The following MIGA1 variants were observed in gnomAD, a reference collection of about 807,000 sequenced individuals.
MIGA1 encodes mitoguardin 1, also known as family with sequence similarity 73, member A.
MIGA1 carries 58 observed loss-of-function variants against 82.0 expected under a neutral mutation model. The observed-to-expected ratio is 0.71, with a 90% confidence interval of 0.57 to 0.88. MIGA1 has a LOEUF of 0.88. Among genes scored for constraint, MIGA1 ranks in the 40% least tolerant of loss-of-function variants. The pLI, the probability that MIGA1 is intolerant of heterozygous loss-of-function variation, is 0.00. For synonymous variants in MIGA1, 249 were observed against 253.6 expected, an observed-to-expected ratio of 0.98 and a Z score of 0.17; for missense variants, 751 against 749.1, an observed-to-expected ratio of 1.00 and a Z score of -0.03.
At chr1:77,870,302 A>G (rs11162392) in intron 14 of MIGA1, among the ~76,000 whole-genome samples, 1,156 of 90,648 alleles carry the variant, frequency 0.013, no homozygotes, top group African/African-American at 0.049. Flanking sequence ...TGGCTGCCGG[A>G]CGGAGGGGCT....
intron 7 of MIGA1, among the ~76,000 whole-genome samples, chr1:77,830,293 T>C (rs1347562386): frequency 1.3e-5 from 2 of 152,200 alleles, no homozygotes; most frequent in African/African-American, 4.8e-5. Flanking sequence ...ATAATCTTCT[T>C]CATAAATGTC....
At chr1:77,859,959 G>C (rs540956195) in intron 10 of MIGA1, 81 bp from the exon 11 acceptor site, 2 of 863,962 alleles carry the variant, frequency 2.3e-6, no homozygotes, top group East Asian at 5.1e-5. Flanking sequence ...ACTGTTTTAG[G>C]ATTATTTGTG....
rs539749569 is a variant in MIGA1, at chr1:77,799,650, C to T, written c.196-1681C>T. Among the ~76,000 whole-genome samples the T allele has an allele frequency of 4.0e-5, 6 of 151,892 alleles. No homozygotes were observed. The East Asian group carries it at 1.2e-3, about 29-fold the overall frequency. On this transcript the variant is annotated intron_variant, in intron 2 of 15. Coordinates refer to ENST00000370791, the MANE Select transcript of MIGA1 (RefSeq NM_198549.4). ...TTCAATTTCTTTAATAGATATTTAA[C>T]TGCTTGTGTTACCTGTTTTTTTTTC...
At chr1:77,845,947 CTT>C (rs374614188) in intron 8 of MIGA1, among the ~76,000 whole-genome samples, 50 of 128,488 alleles carry the variant, frequency 3.9e-4, no homozygotes, top group Admixed American at 5.6e-4. Flanking sequence ...GGATGAAAAG[CTT>C]TTTTTTTTTT....
chr1:77,792,567 G>A (rs1296113517), intron 2 of MIGA1, among the ~76,000 whole-genome samples: 3 of 152,080 alleles, frequency 2.0e-5, no homozygotes, highest in African/African-American at 4.8e-5. Flanking sequence ...AGAGAAAAAG[G>A]ATAAAAAAAG....
intron 7 of MIGA1, among the ~76,000 whole-genome samples, chr1:77,830,286 ATCT>A (rs1684194183): frequency 6.6e-6 from 1 of 152,084 alleles, no homozygotes; most frequent in Non-Finnish European, 1.5e-5. Flanking sequence ...ATGTTTTATA[ATCT>A]TCTTCATAAA....
intron 2 of MIGA1, among the ~76,000 whole-genome samples, chr1:77,796,310 G>T (rs971589673): frequency 6.6e-6 from 1 of 151,850 alleles, no homozygotes; most frequent in African/African-American, 2.4e-5. Flanking sequence ...AGTAGAGACG[G>T]GGTTTCACCA....
intron 8 of MIGA1, chr1:77,847,183 C>A (rs1326560409): frequency 7.7e-6 from 10 of 1,297,886 alleles, no homozygotes; most frequent in Non-Finnish European, 1.1e-5. Context: ...TTTGCAAAAA[C>A]CGTCAGTGTT....
chr1:77,810,082 C>G (rs962955329), intron 5 of MIGA1, among the ~76,000 whole-genome samples: 2 of 149,566 alleles, frequency 1.3e-5, no homozygotes, highest in African/African-American at 4.9e-5. Flanking sequence ...GTAAACCCAT[C>G]TAAAACTTTG....
chr1:77,863,017 AC>A (rs1685528047), intron 12 of MIGA1, among the ~76,000 whole-genome samples: 1 of 152,164 alleles, frequency 6.6e-6, no homozygotes, highest in Non-Finnish European at 1.5e-5. Flanking sequence ...AGTGGATACA[AC>A]AAATACATGA....
intron 2 of MIGA1, among the ~76,000 whole-genome samples, chr1:77,791,264 A>AC (rs1388200526): frequency 6.6e-6 from 1 of 150,818 alleles, no homozygotes; most frequent in African/African-American, 2.4e-5. Context: ...AAAAAAAAAA[A>AC]ACAAAAAACT....
chr1:77,849,977 G>A (rs947718025), intron 8 of MIGA1, among the ~76,000 whole-genome samples: 9 of 151,246 alleles, frequency 6.0e-5, no homozygotes, highest in Non-Finnish European at 1.3e-4. Flanking sequence ...AGAGGTTGTA[G>A]TGAGCCAAGA....
chr1:77,871,876 T>C (rs919064951), intron 14 of MIGA1, among the ~76,000 whole-genome samples: 1 of 152,210 alleles, frequency 6.6e-6, no homozygotes, highest in Admixed American at 6.5e-5. Flanking sequence ...TTTAAATAGC[T>C]AAAACTTTGA....
intron 2 of MIGA1, among the ~76,000 whole-genome samples, chr1:77,793,540 A>G (rs1682520299): frequency 1.3e-5 from 2 of 151,454 alleles, no homozygotes; most frequent in South Asian, 4.2e-4. Flanking sequence ...GCTCGCTGCA[A>G]CCTCTGCCTC....
chr1:77,855,128 C>T (rs1394091979), intron 8 of MIGA1, among the ~76,000 whole-genome samples: 1 of 152,082 alleles, frequency 6.6e-6, no homozygotes, highest in Non-Finnish European at 1.5e-5. Context: ...GCCAATTATC[C>T]CAGCAACATT....
In MIGA1 at chr1:77,878,621, A is replaced by G. The variant is rs1646913023; in HGVS notation, c.*3557A>G. 3.3e-6 allele frequency: 1 copy of G among 306,574 alleles called. No homozygotes were observed. Among genetic ancestry groups the G allele is most frequent in the South Asian group, 1.6e-4 (1 of 6,112 alleles). 19.0% of individuals were successfully genotyped at this position (306,574 alleles called of 1,614,324 possible). Reference sequence around the variant, plus strand: ...GGACTTCAATTAAGTCACTCCTGAGAAAATATCCTTTTTTCTAGAAGAAAG... The same window carrying G: ...GGACTTCAATTAAGTCACTCCTGAGGAAATATCCTTTTTTCTAGAAGAAAG... On this transcript the variant is annotated 3_prime_UTR_variant, in exon 16 of 16. Transcript: ENST00000370791.
intron 7 of MIGA1, among the ~76,000 whole-genome samples, chr1:77,824,999 T>TC (rs1683975277): frequency 7.0e-6 from 1 of 143,010 alleles, no homozygotes; most frequent in Non-Finnish European, 1.5e-5. Context: ...TTTTTTTTTT[T>TC]TTTTTTTGAG....
At chr1:77,783,207 G>A in intron 1 of MIGA1, 31 bp from the exon 2 acceptor site, 2 of 1,435,702 alleles carry the variant, frequency 1.4e-6, no homozygotes, top group South Asian at 1.3e-5. Context: ...AATCTTTGTG[G>A]CTAATTTTTT....
chr1:77,794,655 A>T (rs1682578561), intron 2 of MIGA1, among the ~76,000 whole-genome samples: 2 of 152,292 alleles, frequency 1.3e-5, no homozygotes, highest in South Asian at 2.1e-4. Flanking sequence ...TGGGAGGATT[A>T]CTTGAACACA....
Sources: gnomAD v4.1 joint callset for allele counts (sites outside exome capture counted in the v4.1 genomes callset) on GRCh38, gnomAD v4.1.1 for gene constraint, MANE v1.5 for transcripts, NCBI Gene and HGNC (gene_info 2026-07-23, HGNC 2026-07-21) for gene names.